The following COA1 variants were observed in gnomAD, a reference collection of about 807,000 sequenced individuals.
The protein encoded by COA1 is cytochrome c oxidase assembly factor 1.
COA1 carries 13 observed loss-of-function variants against 16.0 expected under a neutral mutation model. The observed-to-expected ratio is 0.81, with a 90% CI of 0.53 to 1.29. COA1 has a LOEUF of 1.29. COA1 is among the 50% of genes most tolerant of loss of function. The pLI is 0.00. For synonymous variants in COA1, 65 were observed against 65.7 expected, an observed-to-expected ratio of 0.99 and a Z score of 0.05; for missense variants, 179 against 177.0, an observed-to-expected ratio of 1.01 and a Z score of -0.06.
At chr7:43,641,528 A>T (rs921689979) in intron 4 of COA1, 1 of 152,188 alleles carries the variant, frequency 6.6e-6, no homozygotes, top group African/African-American at 2.4e-5. Context: ...GTACGTTTGA[A>T]ATTTTTCACA....
At chr7:43,675,486 A>T (rs1400226671) in intron 1 of COA1, among the ~76,000 whole-genome samples, 2 of 106,768 alleles carry the variant, frequency 1.9e-5, no homozygotes, top group Non-Finnish European at 3.5e-5. Flanking sequence ...GCATTAGGAG[A>T]TATACCTAAT....
intron 1 of COA1, among the ~76,000 whole-genome samples, chr7:43,729,077 T>C (rs1247838188): frequency 6.6e-6 from 1 of 152,146 alleles, no homozygotes; most frequent in Non-Finnish European, 1.5e-5. Context: ...CCTCAGGGTG[T>C]TGAAATTTAG....
In COA1 at chr7:43,645,305, G is replaced by T. The variant is rs1584309815; in HGVS notation, c.210C>A (p.Ile70=). 6.2e-7 allele frequency: 1 copy of T among 1,614,106 alleles called. No homozygotes were observed. Among genetic ancestry groups the T allele is most frequent in the East Asian group, 2.2e-5 (1 of 44,876 alleles). Residue 70 remains isoleucine, a synonymous_variant, in exon 4 of 6, where the codon ATC becomes ATA. Coordinates refer to ENST00000223336, the MANE Select transcript of COA1 (RefSeq NM_018224.4). ...AQEALGPPLN[I]HYLKLIDREN... Reference sequence around the variant, plus strand: ...CCCTGTCGATGAGCTTGAGATAATGGATGTTGAGAGGAGGGCCCAGAGCTT... The same window carrying T: ...CCCTGTCGATGAGCTTGAGATAATGTATGTTGAGAGGAGGGCCCAGAGCTT...
intron 1 of COA1, among the ~76,000 whole-genome samples, chr7:43,652,145 A>G (rs956862654): frequency 2.0e-5 from 3 of 152,212 alleles, no homozygotes; most frequent in African/African-American, 7.2e-5. Flanking sequence ...TATACTGGGA[A>G]CAAAGCACAT....
intron 1 of COA1, among the ~76,000 whole-genome samples, chr7:43,710,548 G>A (rs2095210518): frequency 6.6e-6 from 1 of 151,526 alleles, no homozygotes. Flanking sequence ...AAAGATTTAT[G>A]GATGATTCCC....
chr7:43,694,126 T>C (rs558134233), intron 1 of COA1, among the ~76,000 whole-genome samples: 8 of 148,588 alleles, frequency 5.4e-5, no homozygotes, highest in Non-Finnish European at 1.2e-4. Context: ...ACCCCGCCAC[T>C]GCACACTAGA....
downstream of COA1, among the ~76,000 whole-genome samples, chr7:43,637,011 T>C (rs2085987216): frequency 6.6e-6 from 1 of 152,254 alleles, no homozygotes; most frequent in Non-Finnish European, 1.5e-5. Context: ...ACTGGGCTTC[T>C]GATTTCTGGA....
At chr7:43,650,802 T>TA (rs1383048650) in intron 1 of COA1, 1 of 147,376 alleles carries the variant, frequency 6.8e-6, no homozygotes, top group African/African-American at 2.5e-5. Flanking sequence ...GCCACATTCA[T>TA]ACTCCCCCAC....
intron 1 of COA1, among the ~76,000 whole-genome samples, chr7:43,679,324 A>G (rs78820396): frequency 2.0e-5 from 3 of 152,106 alleles, no homozygotes; most frequent in African/African-American, 7.2e-5. Flanking sequence ...CAAAAAAAAA[A>G]GTACAAGGAG....
chr7:43,702,650 T>C (rs1563422654), intron 1 of COA1, among the ~76,000 whole-genome samples: 1 of 152,156 alleles, frequency 6.6e-6, no homozygotes. Flanking sequence ...TTTCTCTACA[T>C]AGGGGTGTTC....
chr7:43,719,470 C>T (rs2095463065), intron 1 of COA1, among the ~76,000 whole-genome samples: 1 of 152,278 alleles, frequency 6.6e-6, no homozygotes, highest in East Asian at 1.9e-4. Flanking sequence ...TAATGAAATG[C>T]TAGAAGAATG....
At chr7:43,679,261 T>C (rs1370652508) in intron 1 of COA1, among the ~76,000 whole-genome samples, 1 of 31,930 alleles carries the variant, frequency 3.1e-5, no homozygotes, top group Non-Finnish European at 5.2e-5. Context: ...CTAAACTCCA[T>C]TGCAAAAAAA....
At chr7:43,727,636 A>G (rs1389661892) in intron 1 of COA1, among the ~76,000 whole-genome samples, 1 of 152,264 alleles carries the variant, frequency 6.6e-6, no homozygotes, top group East Asian at 1.9e-4. Context: ...TTTCACTCAC[A>G]TGAATAATCC....
At chr7:43,685,775 A>C (rs945057339) in intron 1 of COA1, among the ~76,000 whole-genome samples, 1 of 152,214 alleles carries the variant, frequency 6.6e-6, no homozygotes, top group Non-Finnish European at 1.5e-5. Flanking sequence ...GCAGCCAAGA[A>C]GACTGATGTT....
At chr7:43,693,681 C>A (rs1468765444) in intron 1 of COA1, among the ~76,000 whole-genome samples, 1 of 152,136 alleles carries the variant, frequency 6.6e-6, no homozygotes, top group Non-Finnish European at 1.5e-5. Flanking sequence ...AGTCTAGATC[C>A]ACCGTTAAGA....
chr7:43,655,258 C>T (rs1023640736), intron 1 of COA1, among the ~76,000 whole-genome samples: 1 of 152,112 alleles, frequency 6.6e-6, no homozygotes, highest in Non-Finnish European at 1.5e-5. Context: ...CTGCCAAGTA[C>T]TAGTACCCCA....
rs991787355 is a variant in COA1 at position 43,668,630 on chromosome 7, C to T, written c.-38-19978G>A. ...CTGCTTATTCCTGTGAATCAAGTGGCGATCTCCTACAGCTTGGATGAAACA... is the reference window on the plus strand; with the variant it reads ...CTGCTTATTCCTGTGAATCAAGTGGTGATCTCCTACAGCTTGGATGAAACA... On this transcript the variant is annotated intron_variant, in intron 1 of 5. Coordinates refer to ENST00000223336, the MANE Select transcript of COA1 (RefSeq NM_018224.4). Among the ~76,000 whole-genome samples the T allele has an allele frequency of 4.6e-5, 7 of 152,240 alleles. No individual in the cohort carries two copies. The South Asian group carries it at 6.2e-4, about 14-fold the overall frequency.
intron 1 of COA1, among the ~76,000 whole-genome samples, chr7:43,684,293 A>G (rs1180406511): frequency 1.3e-5 from 2 of 152,186 alleles, no homozygotes; most frequent in African/African-American, 4.8e-5. Context: ...CTGATCTAAC[A>G]GGAGGCAGAG....
chr7:43,644,374 G>A (rs970194774), intron 4 of COA1, among the ~76,000 whole-genome samples: 1 of 152,134 alleles, frequency 6.6e-6, no homozygotes, highest in Admixed American at 6.5e-5. Flanking sequence ...TGTTTTACAT[G>A]CAAGTGAGTG....
Sources: allele counts gnomAD v4.1 joint callset (sites outside exome capture counted in the v4.1 genomes callset), GRCh38; gene constraint gnomAD v4.1.1; transcripts MANE v1.5; gene names NCBI Gene and HGNC (gene_info 2026-07-23, HGNC 2026-07-21).